WNK3: variants seen among roughly 807,000 people sequenced by gnomAD.
WNK3 encodes serine/threonine-protein kinase WNK3.
WNK3 carries 18 observed loss-of-function variants against 116.7 expected under a neutral mutation model. The observed-to-expected ratio is 0.15, with a 90% CI of 0.11 to 0.23. WNK3 has a LOEUF of 0.23. Among genes scored for constraint, WNK3 ranks in the 10% least tolerant of loss-of-function variants. The pLI is 1.00. For synonymous variants in WNK3, 404 were observed against 469.4 expected (o/e 0.86, Z 1.80); for missense variants, 993 against 1,323.8 (o/e 0.75, Z 3.88).
intron 17 of WNK3, among the ~76,000 whole-genome samples, chrX:54,243,076 A>G (rs1393498859): frequency 2.7e-5 from 3 of 109,777 alleles, no homozygotes; most frequent in Non-Finnish European, 5.7e-5. Context: ...GCTTCCCTAA[A>G]TCCTGGGATT....
chrX:54,302,551 T>C (rs2068768942), intron 5 of WNK3, among the ~76,000 whole-genome samples: 1 of 110,135 alleles, frequency 9.1e-6, no homozygotes, highest in African/African-American at 3.3e-5. Context: ...TCTGCCTGCC[T>C]TAGCCTCCCA....
At chrX:54,236,169 G>A (rs1424680886) in intron 20 of WNK3, among the ~76,000 whole-genome samples, 5 of 110,935 alleles carry the variant, frequency 4.5e-5, no homozygotes, top group African/African-American at 1.3e-4. Context: ...GTGCAGTGGC[G>A]CACGATCTGG....
At chrX:54,255,396 C>T (rs990006225) in intron 12 of WNK3, among the ~76,000 whole-genome samples, 27 of 111,310 alleles carry the variant, frequency 2.4e-4, no homozygotes, top group Non-Finnish European at 1.3e-4. Context: ...AGGGTGCCTA[C>T]CACAAAAGAA....
intron 17 of WNK3, among the ~76,000 whole-genome samples, chrX:54,244,809 T>C (rs782617080): frequency 9.0e-6 from 1 of 111,245 alleles, no homozygotes; most frequent in East Asian, 2.8e-4. Flanking sequence ...AACCTCCCTC[T>C]TTCCCCTCCA....
intron 10 of WNK3, among the ~76,000 whole-genome samples, chrX:54,261,799 C>T (rs963809846): frequency 8.9e-6 from 1 of 111,963 alleles, no homozygotes; most frequent in African/African-American, 3.2e-5. Flanking sequence ...GGGAGACAAA[C>T]ATCTAATTTT....
intron 17 of WNK3, among the ~76,000 whole-genome samples, chrX:54,244,071 A>AG (rs2068051203): frequency 8.9e-6 from 1 of 111,957 alleles, no homozygotes; most frequent in African/African-American, 3.2e-5. Context: ...GCAAGGGGCA[A>AG]GGGGGAAGGG....
At chrX:54,308,020 C>T in exon 5 of WNK3, 1 of 1,208,528 alleles carries the variant, frequency 8.3e-7, no homozygotes, top group Non-Finnish European at 1.1e-6. Context: ...AAAGCATAAA[C>T]ATCTACGGAT....
chrX:54,230,970 T>C (rs2067893562), intron 21 of WNK3, among the ~76,000 whole-genome samples: 1 of 112,618 alleles, frequency 8.9e-6, no homozygotes, highest in African/African-American at 3.2e-5. Context: ...CTGACCCATT[T>C]CTTGGCATGA....
chrX:54,342,271 T>A (rs782114228), intron 1 of WNK3, among the ~76,000 whole-genome samples: 26 of 100,761 alleles, frequency 2.6e-4, no homozygotes, highest in African/African-American at 8.5e-4. Flanking sequence ...ATAAAAAAAA[T>A]TTTTTTTAAA....
intron 5 of WNK3, among the ~76,000 whole-genome samples, chrX:54,302,606 C>A (rs782247454): frequency 9.2e-6 from 1 of 108,125 alleles, no homozygotes; most frequent in African/African-American, 3.3e-5. Flanking sequence ...CAGCCATAAA[C>A]AAATACTTTT....
chrX:54,306,912 A>G (rs1557168778), intron 5 of WNK3, among the ~76,000 whole-genome samples: 1 of 110,905 alleles, frequency 9.0e-6, no homozygotes, highest in African/African-American at 3.3e-5. Context: ...AAATATGTAC[A>G]ATAACAATTT....
intron 22 of WNK3, among the ~76,000 whole-genome samples, chrX:54,213,553 C>CAAAAAAAAAAAAAAAAA (rs782580375): frequency 2.1e-3 from 30 of 14,255 alleles, no homozygotes; most frequent in Middle Eastern, 0.033. Context: ...GACTCCGTCT[C>CAAAAAAAAAAAAAAAAA]AAAAAAAAAA....
chrX:54,354,954 C>T (rs943800113), intron 1 of WNK3, among the ~76,000 whole-genome samples: 31 of 110,355 alleles, frequency 2.8e-4, no homozygotes, highest in Non-Finnish European at 4.2e-4. Flanking sequence ...CATGGTGCCA[C>T]GTGCCTGTAA....
intron 1 of WNK3, among the ~76,000 whole-genome samples, chrX:54,349,851 G>C (rs1253420049): frequency 1.8e-5 from 2 of 111,336 alleles, no homozygotes; most frequent in Non-Finnish European, 3.8e-5. Flanking sequence ...CTGCACTCCA[G>C]CCTAGTCAAG....
At chrX:54,305,392 C>T (rs1216418011) in intron 5 of WNK3, among the ~76,000 whole-genome samples, 4 of 111,162 alleles carry the variant, frequency 3.6e-5, no homozygotes, top group African/African-American at 9.8e-5. Flanking sequence ...GTACTTATAC[C>T]ACAAAAATCA....
chrX:54,282,924 A>G (rs1557162892), intron 10 of WNK3, among the ~76,000 whole-genome samples: 1 of 112,245 alleles, frequency 8.9e-6, no homozygotes. Flanking sequence ...TTTCTTAGAT[A>G]TGACACCAAA....
chrX:54,238,350 G>A (rs2067986512), exon 19 of WNK3: 1 of 1,204,376 alleles, frequency 8.3e-7, no homozygotes, highest in Non-Finnish European at 1.1e-6. Context: ...ACCTGGAACC[G>A]ACCCCGCTGA....
At chrX:54,286,789 T>C (rs1183729355) in intron 10 of WNK3, among the ~76,000 whole-genome samples, 1 of 108,542 alleles carries the variant, frequency 9.2e-6, no homozygotes, top group Non-Finnish European at 1.9e-5. Flanking sequence ...GGTAGATGCC[T>C]GTAATCCCAG....
intron 10 of WNK3, among the ~76,000 whole-genome samples, chrX:54,275,052 C>A (rs1174502851): frequency 9.7e-6 from 1 of 103,531 alleles, no homozygotes; most frequent in Non-Finnish European, 2.0e-5. Flanking sequence ...TAGTGGCTCA[C>A]GTCTGTAATC....
Sources: gnomAD v4.1 joint callset for allele counts (sites outside exome capture counted in the v4.1 genomes callset) on GRCh38, gnomAD v4.1.1 for gene constraint, MANE v1.5 for transcripts, NCBI Gene and HGNC (gene_info 2026-07-23, HGNC 2026-07-21) for gene names.